The following SESN1 variants were observed in gnomAD, a reference collection of about 807,000 sequenced individuals.
SESN1 encodes sestrin 1.
Under a neutral mutation model 59.3 loss-of-function variants are expected in SESN1, and 30 were observed. The ratio of observed to expected loss-of-function variants is 0.51; its 90% CI spans 0.38 to 0.69. SESN1 has a LOEUF of 0.69. Among genes scored for constraint, SESN1 ranks in the 30% least tolerant of loss-of-function variants. SESN1 has a pLI of 0.00. For synonymous variants in SESN1, 197 were observed against 219.9 expected (o/e 0.90, Z 0.92); for missense variants, 566 against 673.0 (o/e 0.84, Z 1.76).
intron 1 of SESN1, among the ~76,000 whole-genome samples, chr6:109,007,301 TTG>T (rs749387848): frequency 6.6e-6 from 1 of 152,218 alleles, no homozygotes. Context: ...TGTTTCAAAT[TTG>T]TGAGATACAT....
chr6:109,002,371 G>C, intron 1 of SESN1, 28 bp from the exon 2 acceptor site: 1 of 1,585,808 alleles, frequency 6.3e-7, no homozygotes, highest in Non-Finnish European at 8.7e-7. Context: ...ACCATCTCAG[G>C]CCTTTGGCAG....
intron 1 of SESN1, among the ~76,000 whole-genome samples, chr6:109,072,112 G>A (rs1780945556): frequency 6.6e-6 from 1 of 152,176 alleles, no homozygotes; most frequent in Non-Finnish European, 1.5e-5. Flanking sequence ...CCCTGGTGAA[G>A]GGAGTGATCC....
At position 108,986,269 on chromosome 6, in the gene SESN1, T is replaced by A. The variant is rs955606989; in HGVS notation, c.*1275A>T. 2.6e-5 allele frequency among the ~76,000 whole-genome samples: 4 copies of A among 152,210 alleles called. No homozygotes were observed. Among genetic ancestry groups the A allele is most frequent in the Non-Finnish European group, 4.4e-5 (3 of 68,038 alleles). On this transcript the variant is annotated 3_prime_UTR_variant, in exon 10 of 10. Coordinates refer to ENST00000436639, the MANE Select transcript of SESN1 (RefSeq NM_014454.3). ...AGTCATTTCCAAGATAAAAATGGTC[T>A]CAGATAAGATTCTAAAGAAAGTCCA...
chr6:109,057,699 G>T (rs1256655153), intron 1 of SESN1, among the ~76,000 whole-genome samples: 1 of 152,132 alleles, frequency 6.6e-6, no homozygotes, highest in East Asian at 1.9e-4. Flanking sequence ...CAGTGGCAAG[G>T]ATTATCCCCT....
intron 1 of SESN1, among the ~76,000 whole-genome samples, chr6:109,063,080 T>C (rs1267102474): frequency 2.0e-5 from 3 of 152,182 alleles, no homozygotes; most frequent in South Asian, 4.1e-4. Flanking sequence ...TTATAGAGCC[T>C]TCCTGCAGAG....
intron 1 of SESN1, among the ~76,000 whole-genome samples, chr6:109,065,718 T>C (rs559857737): frequency 3.9e-5 from 6 of 152,178 alleles, no homozygotes; most frequent in Admixed American, 2.6e-4. Context: ...TTCTGACATA[T>C]GTGATTGTAA....
At chr6:108,991,590 C>T (rs1779385146) in intron 7 of SESN1, among the ~76,000 whole-genome samples, 1 of 152,164 alleles carries the variant, frequency 6.6e-6, no homozygotes, top group African/African-American at 2.4e-5. Context: ...ATTCCTTCTC[C>T]TACCTGCACT....
chr6:108,988,783 TTCTC>T (rs113828197), intron 8 of SESN1, 96 bp from the exon 9 acceptor site: 45 of 1,017,156 alleles, frequency 4.4e-5, no homozygotes, highest in African/African-American at 1.7e-4. Context: ...ACTGTATTTT[TTCTC>T]TCTTTGTGTA....
chr6:109,080,673 T>C (rs1233350123), intron 1 of SESN1, among the ~76,000 whole-genome samples: 2 of 152,216 alleles, frequency 1.3e-5, no homozygotes, highest in African/African-American at 4.8e-5. Flanking sequence ...GTTAGGAATC[T>C]TAACGTTAAA....
intron 1 of SESN1, among the ~76,000 whole-genome samples, chr6:109,055,634 C>T (rs1259286068): frequency 2.4e-5 from 3 of 127,044 alleles, no homozygotes. Context: ...TGCACTCCAG[C>T]CTGGGCAACA....
intron 1 of SESN1, among the ~76,000 whole-genome samples, chr6:109,006,057 G>T (rs910566834): frequency 6.6e-6 from 1 of 152,150 alleles, no homozygotes; most frequent in Non-Finnish European, 1.5e-5. Context: ...TAGGGCTCAT[G>T]ATAATAAATA....
At chr6:108,998,864 T>C (rs1779557244) in intron 4 of SESN1, 109 bp from the exon 5 acceptor site, 5 of 1,283,646 alleles carry the variant, frequency 3.9e-6, no homozygotes, top group Non-Finnish European at 5.2e-6. Context: ...ATACAAAGCC[T>C]AGCATAAAAT....
intron 1 of SESN1, chr6:109,009,590 C>A: frequency 9.4e-7 from 1 of 1,061,150 alleles, no homozygotes; most frequent in Non-Finnish European, 1.1e-6. Context: ...ACAAGCCGCG[C>A]GGCCCCGCCC....
chr6:109,001,789 C>A (rs1412291721), intron 2 of SESN1, among the ~76,000 whole-genome samples: 1 of 152,138 alleles, frequency 6.6e-6, no homozygotes, highest in Admixed American at 6.5e-5. Context: ...GCAGAGCTTG[C>A]AAACAGACAC....
At chr6:109,023,322 A>C (rs571965669) in intron 1 of SESN1, among the ~76,000 whole-genome samples, 12 of 152,250 alleles carry the variant, frequency 7.9e-5, no homozygotes, top group African/African-American at 2.6e-4. Context: ...CTTCCTTCAA[A>C]AGTCTTCTCA....
At chr6:109,073,642 A>T (rs1044144617) in intron 1 of SESN1, among the ~76,000 whole-genome samples, 2 of 152,228 alleles carry the variant, frequency 1.3e-5, no homozygotes, top group Non-Finnish European at 2.9e-5. Context: ...AAAACCCACA[A>T]ATGCAAAACT....
chr6:108,988,747 C>T, intron 8 of SESN1, 60 bp from the exon 9 acceptor site: 2 of 1,332,000 alleles, frequency 1.5e-6, no homozygotes, highest in East Asian at 2.5e-5. Context: ...TTTCATCTTA[C>T]AAAAGTATAC....
chr6:109,046,721 G>A (rs1402281606), intron 1 of SESN1, among the ~76,000 whole-genome samples: 1 of 135,204 alleles, frequency 7.4e-6, no homozygotes, highest in Non-Finnish European at 1.6e-5. Flanking sequence ...TGTGGGGAGC[G>A]CCTCTGCCCC....
At position 109,044,191 on chromosome 6, in the gene SESN1, G is replaced by A. The variant is rs572853850; in HGVS notation, c.280-41848C>T. ...TTATCCAGGCATAGTGGCACCTGCCGGTGATCCCAGCTACTTGGGAGGCTA... is the reference window on the plus strand; with the variant it reads ...TTATCCAGGCATAGTGGCACCTGCCAGTGATCCCAGCTACTTGGGAGGCTA... On this transcript the variant is annotated intron_variant, in intron 1 of 9. Transcript: ENST00000436639. Among the ~76,000 whole-genome samples the A allele has an allele frequency of 1.8e-3, 277 of 151,000 alleles. 1 individual carries two copies. Among genetic ancestry groups the A allele is most frequent in the African/African-American group, 6.3e-3 (261 of 41,164 alleles).
Sources: allele counts gnomAD v4.1 joint callset (sites outside exome capture counted in the v4.1 genomes callset), GRCh38; gene constraint gnomAD v4.1.1; transcripts MANE v1.5; gene names NCBI Gene and HGNC (gene_info 2026-07-23, HGNC 2026-07-21).